NGEF: variants seen among roughly 807,000 people sequenced by gnomAD.
The protein encoded by NGEF is neuronal guanine nucleotide exchange factor, also known as ephexin-1.
Under a neutral mutation model 80.9 loss-of-function variants are expected in NGEF, and 31 were observed. That is an observed-to-expected ratio of 0.38 (90% CI 0.29 to 0.52). The LOEUF (loss-of-function observed/expected upper bound fraction) is 0.52, where lower values mean the gene tolerates loss of function less well. NGEF is among the 20% of genes least tolerant of loss of function. The probability of loss-of-function intolerance (pLI) is 0.84; values close to 1 mark genes in which losing one functional copy is unlikely to be tolerated. For missense variants in NGEF, 709 were observed against 926.2 expected, an observed-to-expected ratio of 0.77 and a Z score of 3.04; for synonymous variants, 371 against 370.2, an observed-to-expected ratio of 1.00 and a Z score of -0.03.
chr2:232,960,363 G>A (rs905988712), intron 3 of NGEF, among the ~76,000 whole-genome samples: 7 of 152,172 alleles, frequency 4.6e-5, no homozygotes, highest in African/African-American at 1.7e-4. Context: ...AACTTGAGAG[G>A]ACCCCAAGGG....
Position 232,892,732 on chromosome 2 carries a change from A to G in NGEF, c.1142+166T>C, listed in dbSNP as rs1691921923. Among the ~76,000 whole-genome samples, 1 of 152,132 alleles carries G rather than the reference A, an allele frequency of 6.6e-6. No individual in the cohort carries two copies. The highest frequency in any genetic ancestry group is 1.5e-5 in the Non-Finnish European group (1 of 68,036). On this transcript the variant is annotated intron_variant, in intron 7 of 14. Transcript: ENST00000264051. This position sits in a 1 kb window ranked among gnomAD's most constrained non-coding sequence, Gnocchi z 4.0. Reference sequence around the variant, plus strand: ...ACACCCTAGAACGTGCTGGGTTGGGACACTGTCACCAGTATCCCTGGCCAA... The same window carrying G: ...ACACCCTAGAACGTGCTGGGTTGGGGCACTGTCACCAGTATCCCTGGCCAA...
At chr2:233,011,035 C>T (rs1440189848) in intron 1 of NGEF, among the ~76,000 whole-genome samples, 1 of 152,160 alleles carries the variant, frequency 6.6e-6, no homozygotes, top group Admixed American at 6.5e-5. Context: ...GAACCCCCTG[C>T]TCCGCTGGGC....
intron 3 of NGEF, among the ~76,000 whole-genome samples, chr2:232,928,506 AC>A (rs1412746492): frequency 6.6e-6 from 1 of 151,822 alleles, no homozygotes; most frequent in Non-Finnish European, 1.5e-5. Flanking sequence ...CACGCTGGGC[AC>A]CCCCTGCGGT....
intron 1 of NGEF, among the ~76,000 whole-genome samples, chr2:232,984,054 G>C (rs1323711914): frequency 6.6e-6 from 1 of 152,184 alleles, no homozygotes. Context: ...AATGTGAAGA[G>C]CATGCGCTTT....
rs571858592 is a variant in NGEF at position 232,913,081 on chromosome 2, G to A, written c.828+7203C>T. Among the ~76,000 whole-genome samples the A allele has an allele frequency of 1.7e-3, 262 of 152,190 alleles. 1 individual carries two copies. Among genetic ancestry groups the A allele is most frequent in the African/African-American group, 2.7e-3 (112 of 41,534 alleles). ...TTTTCCTAGCCCAGTTTCTTAATAT[G>A]AAAGCTTAGGCTATTGTTTTGAAAG... On this transcript the variant is annotated intron_variant, in intron 5 of 14. Coordinates refer to ENST00000264051, the MANE Select transcript of NGEF (RefSeq NM_019850.3).
chr2:232,983,829 AATG>A (rs1694484735), intron 1 of NGEF, among the ~76,000 whole-genome samples: 1 of 152,200 alleles, frequency 6.6e-6, no homozygotes, highest in African/African-American at 2.4e-5. Context: ...TAGAGACGAG[AATG>A]CTGAAACCCG....
intron 3 of NGEF, among the ~76,000 whole-genome samples, chr2:232,934,346 T>C (rs6744957): frequency 0.075 from 11,362 of 151,354 alleles, 539 homozygotes; most frequent in East Asian, 0.17. Flanking sequence ...GATGTAACAC[T>C]AAATGGAAGC....
intron 8 of NGEF, among the ~76,000 whole-genome samples, chr2:232,889,916 C>T (rs1691820822): frequency 1.3e-5 from 2 of 152,186 alleles, no homozygotes; most frequent in Admixed American, 1.3e-4. Flanking sequence ...TCCCCCTCAG[C>T]TCATGCTCCT....
chr2:232,882,253 C>T lies in NGEF; in HGVS notation c.1770G>A (p.Lys590=). 6.2e-7 allele frequency: 1 copy of T among 1,613,632 alleles called. No homozygotes were observed. Among genetic ancestry groups the T allele is most frequent in the Non-Finnish European group, 8.5e-7 (1 of 1,179,850 alleles). Residue 590 remains lysine, a synonymous_variant, in exon 13 of 15, where the codon AAG becomes AAA. Transcript: ENST00000264051. ...TGGGGGCCAGTGAGGTCATCCAACG[C>T]TTCATCTCACTCCTGGCACAGGGAA... ...MLKASSQSEM[K]RWMTSLAPNR...
At chr2:232,887,798 C>T (rs991595575) in intron 9 of NGEF, among the ~76,000 whole-genome samples, 5 of 152,114 alleles carry the variant, frequency 3.3e-5, no homozygotes, top group East Asian at 1.9e-4. Context: ...ACAAGACAGG[C>T]GGTGAGTACG....
intron 3 of NGEF, among the ~76,000 whole-genome samples, chr2:232,933,111 A>AAAAT (rs60621174): frequency 0.49 from 68,817 of 139,956 alleles, 17,639 homozygotes; most frequent in Non-Finnish European, 0.54. Context: ...CTCCATCTCA[A>AAAAT]AAATAAATAA....
intron 1 of NGEF, among the ~76,000 whole-genome samples, chr2:232,989,561 GTC>G (rs991243287): frequency 2.0e-5 from 3 of 152,118 alleles, no homozygotes; most frequent in African/African-American, 7.2e-5. Flanking sequence ...ACAGAAATGA[GTC>G]TATTCTAAAA....
intron 3 of NGEF, chr2:232,928,221 G>A: frequency 7.1e-6 from 6 of 849,102 alleles, no homozygotes; most frequent in Non-Finnish European, 8.4e-6. Flanking sequence ...GGAGGGGCGC[G>A]CGCGGCGGGG....
At chr2:232,908,462 C>T (rs1381459775) in intron 5 of NGEF, among the ~76,000 whole-genome samples, 1 of 152,128 alleles carries the variant, frequency 6.6e-6, no homozygotes, top group African/African-American at 2.4e-5. Flanking sequence ...TTTTGAGAAG[C>T]AGAAGATGGT....
chr2:232,888,494 C>A (rs766537221), intron 8 of NGEF, among the ~76,000 whole-genome samples: 1 of 151,602 alleles, frequency 6.6e-6, no homozygotes, highest in Non-Finnish European at 1.5e-5. Context: ...CATGTACACA[C>A]GTGTACAAAC....
intron 1 of NGEF, among the ~76,000 whole-genome samples, chr2:232,975,255 C>T (rs1694267910): frequency 6.6e-6 from 1 of 152,024 alleles, no homozygotes; most frequent in African/African-American, 2.4e-5. Flanking sequence ...TAAATAATTC[C>T]AGAGAAAAAG....
At chr2:232,927,681 G>T in intron 3 of NGEF, among the ~76,000 whole-genome samples, 1 of 152,036 alleles carries the variant, frequency 6.6e-6, no homozygotes, top group Non-Finnish European at 1.5e-5. Flanking sequence ...TCCGGGCAGG[G>T]ACCGGGGTCC....
At chr2:232,952,550 C>T (rs1693697598) in intron 3 of NGEF, among the ~76,000 whole-genome samples, 2 of 152,214 alleles carry the variant, frequency 1.3e-5, no homozygotes, top group Non-Finnish European at 2.9e-5. Flanking sequence ...GTGATTACTA[C>T]ATTTTTCTCA....
chr2:232,989,910 CA>C (rs1159395838), intron 1 of NGEF, among the ~76,000 whole-genome samples: 2 of 152,120 alleles, frequency 1.3e-5, no homozygotes, highest in African/African-American at 4.8e-5. Context: ...CAATCCCCAG[CA>C]AAAAGCTTTA....
Sources: gnomAD v4.1 joint callset for allele counts (sites outside exome capture counted in the v4.1 genomes callset) on GRCh38, gnomAD v4.1.1 for gene constraint, Gnocchi (gnomAD v3.1) non-coding constraint, MANE v1.5 for transcripts, NCBI Gene and HGNC (gene_info 2026-07-23, HGNC 2026-07-21) for gene names.